CBLB: variants seen among roughly 807,000 people sequenced by gnomAD.
CBLB encodes the protein Cbl proto-oncogene B, also known as E3 ubiquitin-protein ligase CBL-B.
In CBLB, 31 loss-of-function variants were observed where a neutral mutation model predicts 104.9. The ratio of observed to expected loss-of-function variants is 0.30; its 90% CI spans 0.22 to 0.40. The LOEUF (loss-of-function observed/expected upper bound fraction) is 0.40, where lower values mean the gene tolerates loss of function less well. CBLB is among the 10% of genes least tolerant of loss of function. The pLI is 1.00. For synonymous variants in CBLB, 440 were observed against 422.6 expected (o/e 1.04, Z -0.51); for missense variants, 1,062 against 1,214.6 (o/e 0.87, Z 1.87).
intron 17 of CBLB, among the ~76,000 whole-genome samples, chr3:105,677,470 G>A (rs1201036564): frequency 1.3e-5 from 2 of 151,648 alleles, no homozygotes; most frequent in Non-Finnish European, 2.9e-5. Flanking sequence ...AGGCATATAC[G>A]TAGCTAAAGG....
chr3:105,768,359 C>T (rs2078463034), intron 4 of CBLB, among the ~76,000 whole-genome samples: 1 of 151,948 alleles, frequency 6.6e-6, no homozygotes, highest in Non-Finnish European at 1.5e-5. Context: ...GACATAGAAA[C>T]CTATAATTGC....
chr3:105,846,774 A>G (rs1230302032), intron 3 of CBLB, among the ~76,000 whole-genome samples: 3 of 152,166 alleles, frequency 2.0e-5, no homozygotes, highest in African/African-American at 7.2e-5. Context: ...AAATGTGGTA[A>G]TTGATGTAGC....
intron 18 of CBLB, among the ~76,000 whole-genome samples, chr3:105,660,909 A>T (rs1325301566): frequency 6.6e-6 from 1 of 152,146 alleles, no homozygotes; most frequent in African/African-American, 2.4e-5. Flanking sequence ...TAACATACAT[A>T]AAACAAAGCC....
chr3:105,738,821 G>A (rs2075233598), intron 7 of CBLB, among the ~76,000 whole-genome samples: 1 of 151,924 alleles, frequency 6.6e-6, no homozygotes, highest in Admixed American at 6.6e-5. Flanking sequence ...AAAATTAGAA[G>A]GAAAAAGAAA....
At chr3:105,756,284 C>G (rs1411093626) in intron 4 of CBLB, among the ~76,000 whole-genome samples, 2 of 152,024 alleles carry the variant, frequency 1.3e-5, no homozygotes, top group African/African-American at 4.8e-5. Flanking sequence ...AACATGGTTG[C>G]TGAACACAAA....
At chr3:105,702,492 A>AAG in intron 11 of CBLB, 33 bp from the exon 12 acceptor site, 1 of 1,477,548 alleles carries the variant, frequency 6.8e-7, no homozygotes, top group Non-Finnish European at 9.0e-7. Context: ...AAAAAAAAAA[A>AAG]AAAAAAACTA....
At position 105,678,526 on chromosome 3, in the gene CBLB, G is replaced by C. The variant is rs1015871086; in HGVS notation, c.2474C>G (p.Pro825Arg). ...DALPPSLPPPPPPARHSLIEH... is the reference protein window; with the variant it reads ...DALPPSLPPPRPPARHSLIEH... ...AATGAGACTATGCCTTGCAGGAGGT[G>C]GGGGAGGTGGGAGAGATGGAGGGAG... is the stretch of plus-strand genomic sequence containing the variant. The change falls in exon 17 of 19, where the codon CCA (proline) becomes CGA (arginine). Residue 825 changes from proline (P) to arginine (R), a missense_variant. By Grantham distance (103) the Pro-to-Arg change is moderately radical. Around this residue, in one of 2 missense-constraint regions of CBLB, gnomAD observed 605 missense variants for 582.6 expected, o/e 1.04. Coordinates refer to ENST00000394030, the MANE Select transcript of CBLB (RefSeq NM_170662.5). 1 of 1,613,648 alleles carries C rather than the reference G, an allele frequency of 6.2e-7. No homozygotes were observed.
chr3:105,822,734 A>C (rs2086060461), intron 3 of CBLB, among the ~76,000 whole-genome samples: 1 of 152,190 alleles, frequency 6.6e-6, no homozygotes, highest in African/African-American at 2.4e-5. Flanking sequence ...TAAAAGCTAC[A>C]TTTAATTAAT....
intron 17 of CBLB, 66 bp from the exon 18 acceptor site, chr3:105,670,418 T>C: frequency 7.7e-7 from 1 of 1,299,408 alleles, no homozygotes; most frequent in Non-Finnish European, 1.1e-6. Context: ...AGAAAAAAAT[T>C]CTAGAATTAT....
At chr3:105,839,258 G>C (rs1293611332) in intron 3 of CBLB, among the ~76,000 whole-genome samples, 2 of 152,116 alleles carry the variant, frequency 1.3e-5, no homozygotes, top group Non-Finnish European at 2.9e-5. Flanking sequence ...AAAGCCACTA[G>C]ATTAAATGCT....
At chr3:105,781,632 A>G (rs1015470913) in intron 3 of CBLB, among the ~76,000 whole-genome samples, 8 of 152,240 alleles carry the variant, frequency 5.3e-5, no homozygotes, top group Non-Finnish European at 1.0e-4. Flanking sequence ...CAAAGAATGT[A>G]ATCTAATTAG....
At chr3:105,851,312 G>T (rs894851489) in intron 3 of CBLB, among the ~76,000 whole-genome samples, 9 of 152,160 alleles carry the variant, frequency 5.9e-5, no homozygotes, top group Non-Finnish European at 1.3e-4. Context: ...GTCCAACTAT[G>T]TAACACTGTG....
Position 105,675,695 on chromosome 3 carries a change from C to T in CBLB, c.2569+2736G>A, listed in dbSNP as rs533647889. On this transcript the variant is annotated intron_variant, in intron 17 of 18. Transcript: ENST00000394030. The stretch of plus-strand genomic sequence containing the variant: ...GGCCAGGAGTTCGAGACCAGCCTGG[C>T]CAACATGGCAAAACCCCATCTCTAC... Among the ~76,000 whole-genome samples, 642 of 151,890 alleles carry T rather than the reference C, an allele frequency of 4.2e-3. 3 individuals are homozygous for T. Among genetic ancestry groups the T allele is most frequent in the African/African-American group, 0.015 (626 of 41,452 alleles).
intron 5 of CBLB, among the ~76,000 whole-genome samples, 186 bp from the exon 6 acceptor site, chr3:105,746,224 A>G (rs56042977): frequency 2.0e-3 from 301 of 152,318 alleles, no homozygotes; most frequent in Admixed American, 3.7e-3. Flanking sequence ...TTCTTTACAG[A>G]AATATGATTA....
intron 6 of CBLB, among the ~76,000 whole-genome samples, 192 bp from the exon 7 acceptor site, chr3:105,740,823 G>A (rs1369560326): frequency 2.0e-5 from 3 of 152,018 alleles, no homozygotes. Flanking sequence ...GAGAAACACT[G>A]ATCATTTCTT....
chr3:105,842,881 G>A (rs2089742294), intron 3 of CBLB, among the ~76,000 whole-genome samples: 1 of 152,182 alleles, frequency 6.6e-6, no homozygotes, highest in East Asian at 1.9e-4. Flanking sequence ...CTGTGTTGAT[G>A]AAACTTACAT....
intron 3 of CBLB, among the ~76,000 whole-genome samples, chr3:105,814,523 T>C (rs1425229117): frequency 2.0e-5 from 3 of 152,156 alleles, no homozygotes; most frequent in Non-Finnish European, 4.4e-5. Flanking sequence ...ATGTACAATA[T>C]GTACTTAAGG....
At chr3:105,668,682 C>T (rs1012748785) in intron 18 of CBLB, among the ~76,000 whole-genome samples, 3 of 152,246 alleles carry the variant, frequency 2.0e-5, no homozygotes, top group African/African-American at 7.2e-5. Context: ...TAAGAGAACA[C>T]TGGCCAAAAT....
intron 4 of CBLB, among the ~76,000 whole-genome samples, chr3:105,761,500 A>C (rs2077626387): frequency 6.6e-6 from 1 of 152,190 alleles, no homozygotes; most frequent in Non-Finnish European, 1.5e-5. Flanking sequence ...TAAATAAGCC[A>C]CATGAGATCT....
Sources: gnomAD v4.1 joint callset for allele counts (sites outside exome capture counted in the v4.1 genomes callset) on GRCh38, gnomAD v4.1.1 for gene constraint, gnomAD v4.1.1 regional missense constraint, MANE v1.5 for transcripts, NCBI Gene and HGNC (gene_info 2026-07-23, HGNC 2026-07-21) for gene names.